Variants in CDH12 observed in about 807,000 individuals in gnomAD.
CDH12 encodes cadherin 12, also known as cadherin-12.
A neutral mutation model predicts 74.1 loss-of-function variants in CDH12; 41 were observed. The ratio of observed to expected loss-of-function variants is 0.55; its 90% CI spans 0.43 to 0.72. The LOEUF is 0.72. CDH12 is among the 30% of genes least tolerant of loss of function. CDH12 has a pLI of 0.00. For missense variants in CDH12, 945 were observed against 977.2 expected (o/e 0.97, Z 0.44); for synonymous variants, 399 against 355.0 (o/e 1.12, Z -1.39).
chr5:21,880,082 G>T (rs552611347), intron 6 of CDH12, among the ~76,000 whole-genome samples: 2 of 152,328 alleles, frequency 1.3e-5, no homozygotes. Context: ...CACAATGCTT[G>T]CTGGGACTCA....
chr5:22,762,333 T>A (rs1346437493), intron 1 of CDH12, among the ~76,000 whole-genome samples: 1 of 152,068 alleles, frequency 6.6e-6, no homozygotes, highest in Non-Finnish European at 1.5e-5. Flanking sequence ...TGTTACAAAA[T>A]AAAAAATCTA....
chr5:21,831,126 C>T (rs192580867), intron 8 of CDH12, among the ~76,000 whole-genome samples: 3 of 151,928 alleles, frequency 2.0e-5, no homozygotes, highest in East Asian at 1.9e-4. Flanking sequence ...AAAACAATGT[C>T]GTTTTAGCTT....
intron 6 of CDH12, among the ~76,000 whole-genome samples, chr5:21,878,364 T>C (rs954978566): frequency 6.6e-6 from 1 of 152,196 alleles, no homozygotes; most frequent in Non-Finnish European, 1.5e-5. Context: ...ATATTTCATA[T>C]GCCTTCTGAT....
chr5:22,849,445 A>G (rs1737450571), intron 1 of CDH12, among the ~76,000 whole-genome samples: 1 of 152,128 alleles, frequency 6.6e-6, no homozygotes, highest in East Asian at 1.9e-4. Flanking sequence ...TACTAAAGGT[A>G]TATTCAACCT....
At chr5:21,862,589 A>G (rs543639335) in intron 6 of CDH12, among the ~76,000 whole-genome samples, 1 of 152,258 alleles carries the variant, frequency 6.6e-6, no homozygotes. Flanking sequence ...ACATTTGTAT[A>G]CTATGCACCA....
intron 1 of CDH12, among the ~76,000 whole-genome samples, chr5:22,709,493 A>G (rs1580912034): frequency 6.6e-6 from 1 of 152,318 alleles, no homozygotes; most frequent in East Asian, 1.9e-4. Context: ...TTCTGCCAGT[A>G]TAACTGTACA....
At chr5:22,682,375 T>C (rs1741538720) in intron 1 of CDH12, among the ~76,000 whole-genome samples, 1 of 152,112 alleles carries the variant, frequency 6.6e-6, no homozygotes, top group Non-Finnish European at 1.5e-5. Context: ...AAAATCTTCA[T>C]TACATTTAAA....
chr5:22,138,592 G>C (rs935092932), intron 4 of CDH12, among the ~76,000 whole-genome samples: 36 of 150,482 alleles, frequency 2.4e-4, no homozygotes, highest in African/African-American at 8.5e-4. Flanking sequence ...GAATTTGATG[G>C]AAGCATTTTT....
intron 3 of CDH12, among the ~76,000 whole-genome samples, chr5:22,264,626 G>C (rs1580460185): frequency 6.6e-6 from 1 of 152,110 alleles, no homozygotes. Flanking sequence ...CATGACAGCT[G>C]GATCACAAAA....
At chr5:22,275,570 A>G (rs1736597118) in intron 3 of CDH12, among the ~76,000 whole-genome samples, 1 of 152,176 alleles carries the variant, frequency 6.6e-6, no homozygotes, top group African/African-American at 2.4e-5. Context: ...CTATATTAGA[A>G]GACTATAATC....
In CDH12 at chr5:22,138,764, G is replaced by A. The variant is rs189997429; in HGVS notation, c.-186-59902C>T. ...CAAATTTCCCTCTAATTTTGGACATGACACATTTTATCTTATTGAGTTTCA... is the reference window on the plus strand; with the variant it reads ...CAAATTTCCCTCTAATTTTGGACATAACACATTTTATCTTATTGAGTTTCA... On this transcript the variant is annotated intron_variant, in intron 4 of 14. Coordinates refer to ENST00000382254, the MANE Select transcript of CDH12 (RefSeq NM_004061.5). Among the ~76,000 whole-genome samples the A allele has an allele frequency of 7.7e-4, 112 of 144,954 alleles. 5 individuals carry two copies. The East Asian group carries it at 0.022, about 29-fold the overall frequency.
chr5:21,887,013 T>G (rs938993742), intron 6 of CDH12, among the ~76,000 whole-genome samples: 1 of 152,162 alleles, frequency 6.6e-6, no homozygotes, highest in Non-Finnish European at 1.5e-5. Context: ...ACATGTGTTG[T>G]GATATGACAG....
At chr5:22,145,694 A>G (rs551243034) in intron 4 of CDH12, among the ~76,000 whole-genome samples, 42 of 152,146 alleles carry the variant, frequency 2.8e-4, no homozygotes, top group Non-Finnish European at 5.1e-4. Context: ...TAAGTATTTC[A>G]TCTCCAAAAT....
intron 7 of CDH12, among the ~76,000 whole-genome samples, chr5:21,851,482 AAT>A (rs971868279): frequency 6.0e-5 from 9 of 150,514 alleles, no homozygotes; most frequent in Admixed American, 2.7e-4. Context: ...AAAATAATAC[AAT>A]ATGTTAATAT....
intron 9 of CDH12, among the ~76,000 whole-genome samples, chr5:21,816,441 A>G (rs370518876): frequency 7.3e-5 from 11 of 151,562 alleles, no homozygotes; most frequent in African/African-American, 2.7e-4. Flanking sequence ...CCTGACCAAC[A>G]TGGTGAAATC....
chr5:21,827,689 A>G (rs1748757854), intron 8 of CDH12, among the ~76,000 whole-genome samples: 1 of 152,160 alleles, frequency 6.6e-6, no homozygotes, highest in African/African-American at 2.4e-5. Flanking sequence ...ACCCAATTCC[A>G]AATAGGCTAT....
At chr5:22,735,058 T>A (rs953565406) in intron 1 of CDH12, among the ~76,000 whole-genome samples, 1 of 151,934 alleles carries the variant, frequency 6.6e-6, no homozygotes, top group Admixed American at 6.6e-5. Flanking sequence ...TACATCAGTA[T>A]CTGAATTGCT....
At chr5:22,792,385 G>T (rs145173833) in intron 1 of CDH12, among the ~76,000 whole-genome samples, 113 of 152,218 alleles carry the variant, frequency 7.4e-4, no homozygotes, top group African/African-American at 2.6e-3. Context: ...CACCACGCCC[G>T]GCCTGAGCTC....
chr5:22,361,753 C>G, intron 3 of CDH12, among the ~76,000 whole-genome samples: 1 of 152,222 alleles, frequency 6.6e-6, no homozygotes, highest in Non-Finnish European at 1.5e-5. Flanking sequence ...TGGAACAGAA[C>G]AGAGACCTCA....
Sources: allele counts gnomAD v4.1 joint callset (sites outside exome capture counted in the v4.1 genomes callset), GRCh38; gene constraint gnomAD v4.1.1; transcripts MANE v1.5; gene names NCBI Gene and HGNC (gene_info 2026-07-23, HGNC 2026-07-21).